GADL1: variants seen among roughly 807,000 people sequenced by gnomAD.
GADL1 encodes GAD like acidic amino acid decarboxylase 1, also known as acidic amino acid decarboxylase GADL1.
Under a neutral mutation model 69.5 loss-of-function variants are expected in GADL1, and 71 were observed. The ratio of observed to expected loss-of-function variants is 1.02; its 90% CI spans 0.84 to 1.25. The LOEUF is 1.25. Ranked by LOEUF, GADL1 falls within the 50% of genes most tolerant of loss-of-function variation. The pLI is 0.00. For synonymous variants in GADL1, 254 were observed against 214.4 expected, an observed-to-expected ratio of 1.18 and a Z score of -1.62; for missense variants, 737 against 631.8, an observed-to-expected ratio of 1.17 and a Z score of -1.79.
chr3:30,843,263 T>C (rs2125528215), intron 8 of GADL1, among the ~76,000 whole-genome samples: 1 of 151,338 alleles, frequency 6.6e-6, no homozygotes, highest in Non-Finnish European at 1.5e-5. Context: ...TACACCTTTT[T>C]TTTTTTTTTT....
In GADL1 at chr3:30,764,211, GAA is replaced by G. The variant is rs933797720; in HGVS notation, c.1392+13966_1392+13967del. Among the ~76,000 whole-genome samples the G allele has an allele frequency of 4.1e-4, 53 of 128,564 alleles. 1 individual carries two copies. The highest frequency in any genetic ancestry group is 1.0e-3 in the Admixed American group (13 of 12,428). The allele number at this position is 128,564 out of a possible 152,430, so 84.3% of individuals were successfully genotyped here. A position where few individuals can be genotyped will look rare whatever the true frequency, so the allele number is the denominator to read the frequency against. ...GTTCTTAAGTAACTGAGGACATGAA[GAA>G]AAATTCTCTTAAGAGATTTTTAGAT... is the stretch of plus-strand genomic sequence containing the variant. On this transcript the variant is annotated intron_variant, in intron 14 of 14. Transcript: ENST00000282538.
At chr3:30,867,451 T>A (rs1698420385) in intron 1 of GADL1, among the ~76,000 whole-genome samples, 1 of 144,704 alleles carries the variant, frequency 6.9e-6, no homozygotes, top group Admixed American at 6.8e-5. Flanking sequence ...CACATATATG[T>A]ATATATATAC....
chr3:30,755,993 TCA>T (rs977018019), intron 14 of GADL1, among the ~76,000 whole-genome samples: 8 of 152,080 alleles, frequency 5.3e-5, no homozygotes, highest in South Asian at 2.1e-4. Flanking sequence ...GCTTGATAGT[TCA>T]CACAGTCACC....
At chr3:30,806,682 C>T (rs1697262307) in intron 11 of GADL1, among the ~76,000 whole-genome samples, 1 of 152,186 alleles carries the variant, frequency 6.6e-6, no homozygotes, top group East Asian at 1.9e-4. Flanking sequence ...GGGTCATATT[C>T]ACCACCTTAG....
chr3:30,766,242 A>AT (rs1415876333), intron 14 of GADL1, among the ~76,000 whole-genome samples: 1 of 152,200 alleles, frequency 6.6e-6, no homozygotes, highest in East Asian at 1.9e-4. Flanking sequence ...GGCATCAGGG[A>AT]TGAAAGCAGA....
chr3:30,880,383 G>A (rs1698627516), intron 1 of GADL1, among the ~76,000 whole-genome samples: 1 of 151,806 alleles, frequency 6.6e-6, no homozygotes, highest in Non-Finnish European at 1.5e-5. Flanking sequence ...GGAGGCAACT[G>A]GTGGGAATTA....
chr3:30,846,345 A>G (rs959694557), intron 6 of GADL1, among the ~76,000 whole-genome samples: 1 of 152,180 alleles, frequency 6.6e-6, no homozygotes, highest in Admixed American at 6.5e-5. Context: ...GCGGGTGTTC[A>G]TTTCTATAAA....
At chr3:30,758,884 A>C (rs1013455182) in intron 14 of GADL1, among the ~76,000 whole-genome samples, 3 of 152,192 alleles carry the variant, frequency 2.0e-5, no homozygotes, top group Non-Finnish European at 2.9e-5. Context: ...TTCCAGTGGA[A>C]TATATAGGGG....
intron 12 of GADL1, among the ~76,000 whole-genome samples, chr3:30,796,355 G>A (rs1697032531): frequency 6.6e-6 from 1 of 152,038 alleles, no homozygotes; most frequent in Non-Finnish European, 1.5e-5. Context: ...TCTAATAGAA[G>A]CACTTCAACC....
intron 8 of GADL1, among the ~76,000 whole-genome samples, chr3:30,841,445 C>T (rs1409878069): frequency 6.6e-6 from 1 of 152,074 alleles, no homozygotes; most frequent in African/African-American, 2.4e-5. Context: ...ATAAAACCCT[C>T]TATGCTAGAA....
rs1261251037 is a variant in GADL1 at position 30,850,849 on chromosome 3, C to A, written c.521G>T (p.Gly174Val). Residue 174 changes from glycine (G) to valine (V), a missense_variant, in exon 5 of 15, where the codon GGA (glycine) becomes GTA (valine). By Grantham distance (109) the Gly-to-Val change is moderately radical (BLOSUM62 -3). Coordinates refer to ENST00000282538, the MANE Select transcript of GADL1 (RefSeq NM_207359.3). ...IEFIGWKEGD[G>V]IFNPGGSVSN... The stretch of plus-strand genomic sequence containing the variant: ...ATTGTACTCACCTGGGTTAAATATT[C>A]CATCCCCTTCTTTCCAGCCAATAAA... The A allele has an allele frequency of 3.9e-6, 6 of 1,544,966 alleles. No homozygotes were observed. Among genetic ancestry groups the A allele is most frequent in the South Asian group, 3.6e-5 (3 of 83,858 alleles).
intron 14 of GADL1, among the ~76,000 whole-genome samples, chr3:30,753,226 TTG>T (rs1220554389): frequency 6.6e-6 from 1 of 152,146 alleles, no homozygotes; most frequent in Non-Finnish European, 1.5e-5. Context: ...TCCCTTCAGA[TTG>T]TGTGAATGGA....
chr3:30,824,273 A>G (rs1697644646), intron 11 of GADL1, among the ~76,000 whole-genome samples: 1 of 148,944 alleles, frequency 6.7e-6, no homozygotes, highest in Non-Finnish European at 1.5e-5. Flanking sequence ...ACAAAAGGCA[A>G]AAAGAGAAAA....
At chr3:30,844,636 A>C (rs1377872526) in intron 6 of GADL1, among the ~76,000 whole-genome samples, 170 bp from the exon 7 acceptor site, 1 of 152,220 alleles carries the variant, frequency 6.6e-6, no homozygotes, top group East Asian at 1.9e-4. Flanking sequence ...GAGAACATTC[A>C]CTTTGGGGTC....
At chr3:30,877,350 CTG>C (rs1404456946) in intron 1 of GADL1, among the ~76,000 whole-genome samples, 1 of 151,860 alleles carries the variant, frequency 6.6e-6, no homozygotes, top group Non-Finnish European at 1.5e-5. Flanking sequence ...TTGGGCAAAA[CTG>C]TCATCAAACT....
At chr3:30,892,657 T>G (rs1311825054) in intron 1 of GADL1, among the ~76,000 whole-genome samples, 2 of 152,190 alleles carry the variant, frequency 1.3e-5, no homozygotes, top group Admixed American at 1.3e-4. Flanking sequence ...TTACTGTTTT[T>G]AAAAGTTTCT....
At chr3:30,760,195 A>AGG (rs1255119836) in intron 14 of GADL1, among the ~76,000 whole-genome samples, 1 of 152,184 alleles carries the variant, frequency 6.6e-6, no homozygotes. Flanking sequence ...GCTTCCCTGT[A>AGG]GGACACTTCC....
chr3:30,779,630 T>C (rs1051581635), intron 13 of GADL1, among the ~76,000 whole-genome samples: 3 of 152,228 alleles, frequency 2.0e-5, no homozygotes, highest in African/African-American at 7.2e-5. Context: ...TAGGATAGAC[T>C]GTACTGAACT....
At chr3:30,889,467 G>A (rs1004457637) in intron 1 of GADL1, among the ~76,000 whole-genome samples, 2 of 152,164 alleles carry the variant, frequency 1.3e-5, no homozygotes, top group African/African-American at 4.8e-5. Context: ...ACTTACACAG[G>A]AGGTATTCGT....
Sources: gnomAD v4.1 joint callset for allele counts (sites outside exome capture counted in the v4.1 genomes callset) on GRCh38, gnomAD v4.1.1 for gene constraint, MANE v1.5 for transcripts, NCBI Gene and HGNC (gene_info 2026-07-23, HGNC 2026-07-21) for gene names.